MMADHC: variants seen among roughly 807,000 people sequenced by gnomAD.
The protein encoded by MMADHC is metabolism of cobalamin associated D.
In MMADHC, 23 loss-of-function variants were observed where a neutral mutation model predicts 36.3. That is an observed-to-expected ratio of 0.63 (90% CI 0.46 to 0.90). MMADHC has a LOEUF of 0.90. Among genes scored for constraint, MMADHC ranks in the 40% least tolerant of loss-of-function variants. The pLI is 0.00. For synonymous variants in MMADHC, 97 were observed against 116.1 expected, an observed-to-expected ratio of 0.84 and a Z score of 1.06; for missense variants, 330 against 348.0, an observed-to-expected ratio of 0.95 and a Z score of 0.41.
rs932886802 is a variant in MMADHC at position 149,575,633 on chromosome 2, T to A, written c.609+78A>T. 6.7e-6 allele frequency: 8 copies of A among 1,187,562 alleles called. No individual in the cohort carries two copies. In the African/African-American group the frequency reaches 1.1e-4, roughly 16 times the overall value. The allele number at this position is 1,187,562 out of a possible 1,614,324, so 73.6% of individuals were successfully genotyped here. A position where few individuals can be genotyped will look rare whatever the true frequency, so the allele number is the denominator to read the frequency against. On this transcript the variant is annotated intron_variant, in intron 6 of 7. Transcript: ENST00000303319. ...AATGAATAAAGGGTGGAAATGACAG[T>A]CATCATTTTAAGACATTGGTTCACT...
At position 149,570,084 on chromosome 2, in the gene MMADHC, A is replaced by C. The variant is rs1682616013; in HGVS notation, c.781T>G (p.Cys261Gly). The C allele has an allele frequency of 6.2e-7, 1 of 1,613,718 alleles. No homozygotes were observed. The highest frequency in any genetic ancestry group is 1.3e-5 in the African/African-American group (1 of 74,926). The change falls in exon 8 of 8, where the codon TGC (cysteine) becomes GGC (glycine). Residue 261 changes from cysteine (C) to glycine (G), a missense_variant. Transcript: ENST00000303319. ...AGACTATGACGAATCACTTTACAGC[A>C]TCCAAGGTCATCAACAGAGAATCCT... ...HLGFSVDDLG[C>G]CKVIRHSLWG...
At chr2:149,575,407 G>A (rs144773111) in intron 6 of MMADHC, among the ~76,000 whole-genome samples, 1 of 151,792 alleles carries the variant, frequency 6.6e-6, no homozygotes, top group South Asian at 2.1e-4. Flanking sequence ...TGGAGAAGGA[G>A]AGGGAGGGGG....
At chr2:149,578,546 A>G (rs934849748) in intron 4 of MMADHC, among the ~76,000 whole-genome samples, 3 of 152,160 alleles carry the variant, frequency 2.0e-5, no homozygotes, top group African/African-American at 4.8e-5. Context: ...AAAAACATAG[A>G]CTGTGGAGGC....
intron 3 of MMADHC, 134 bp downstream of exon 3, chr2:149,581,993 C>G: frequency 1.1e-6 from 1 of 912,576 alleles, no homozygotes; most frequent in South Asian, 1.5e-5. Context: ...TTAGGCAGAG[C>G]TGTGATTCAT....
In MMADHC at chr2:149,583,567, A is replaced by G. The variant is rs1265867273; in HGVS notation, c.10-1296T>C. Among the ~76,000 whole-genome samples, 3 of 152,192 alleles carry G rather than the reference A, an allele frequency of 2.0e-5. No homozygotes were observed. In the East Asian group the frequency reaches 5.8e-4, roughly 29 times the overall value. On this transcript the variant is annotated intron_variant, in intron 2 of 7. Transcript: ENST00000303319. ...TGACAAAAACAAAGGCTGTTTTAAG[A>G]AATGTACCACTAAGGGCAGTATAAA...
chr2:149,575,617 A>C lies in MMADHC; in HGVS notation c.609+94T>G, dbSNP rs1682702810. The C allele has an allele frequency of 2.8e-6, 3 of 1,062,780 alleles. No homozygotes were observed. The East Asian group carries it at 7.4e-5, about 26-fold the overall frequency. The allele number at this position is 1,062,780 out of a possible 1,614,324, so 65.8% of individuals were successfully genotyped here. On this transcript the variant is annotated intron_variant, in intron 6 of 7. Transcript: ENST00000303319. ...TAATACTTTGGCAGAAAATGAATAA[A>C]GGGTGGAAATGACAGTCATCATTTT...
Position 149,571,121 on chromosome 2 carries a change from A to G in MMADHC, c.660T>C (p.Tyr220=), listed in dbSNP as rs1427942673. ...EICYALRAEG[Y]WADFIDPSSG... is the part of the protein sequence containing the mutation. ...ATGATGGGTCAATAAAGTCAGCCCA[A>G]TAACCCTCAGCTCGAAGAGCATAGC... Residue 220 remains tyrosine (Y), a synonymous_variant, in exon 7 of 8, where the codon TAT becomes TAC. Transcript: ENST00000303319. 6.2e-6 allele frequency: 10 copies of G among 1,612,790 alleles called. No homozygotes were observed. Among genetic ancestry groups the G allele is most frequent in the Non-Finnish European group, 8.5e-6 (10 of 1,179,114 alleles).
Position 149,579,439 on chromosome 2 carries a change from C to G in MMADHC, c.364G>C (p.Glu122Gln). The G allele has an allele frequency of 1.9e-6, 3 of 1,610,754 alleles. No individual in the cohort carries two copies. The highest frequency in any genetic ancestry group is 2.5e-6 in the Non-Finnish European group (3 of 1,178,740). ...TGTTACCAACAATTTACCTGAAATTCATTCACATATTGTGCCATCACAAAC... is the reference window on the plus strand; with the variant it reads ...TGTTACCAACAATTTACCTGAAATTGATTCACATATTGTGCCATCACAAAC... ...HEFVMAQYVN[E>Q]FQGNDAPVEQ... The change falls in exon 4 of 8, where the codon GAA becomes CAA. Residue 122 changes from glutamate to glutamine, a missense_variant. Glu to Gln is a conservative substitution (Grantham distance 29). Transcript: ENST00000303319.
chr2:149,572,719 A>T (rs1288204713), intron 6 of MMADHC, among the ~76,000 whole-genome samples: 1 of 152,120 alleles, frequency 6.6e-6, no homozygotes, highest in East Asian at 1.9e-4. Flanking sequence ...AGAACTATTC[A>T]CCAGGGTTTC....
chr2:149,581,806 T>C (rs1215079121), intron 3 of MMADHC, among the ~76,000 whole-genome samples: 1 of 152,218 alleles, frequency 6.6e-6, no homozygotes, highest in African/African-American at 2.4e-5. Flanking sequence ...ACAAGGTACA[T>C]TTATGAAATC....
chr2:149,579,713 A>C, intron 3 of MMADHC, 65 bp from the exon 4 acceptor site: 1 of 1,282,336 alleles, frequency 7.8e-7, no homozygotes, highest in Non-Finnish European at 1.1e-6. Flanking sequence ...AGACTGAAAG[A>C]ATGCTCTTCT....
chr2:149,571,937 A>G (rs1322558752), intron 6 of MMADHC, among the ~76,000 whole-genome samples: 1 of 152,192 alleles, frequency 6.6e-6, no homozygotes, highest in Non-Finnish European at 1.5e-5. Context: ...ATAGTCATGA[A>G]ATAATTCTGA....
chr2:149,580,931 T>C lies in MMADHC; in HGVS notation c.154+1196A>G, dbSNP rs1682784935. ...TTTGTATTTCTAACAAGCTCCTAAA[T>C]GATACTGATGCAGATCATGTTGAAT... On this transcript the variant is annotated intron_variant, in intron 3 of 7. Transcript: ENST00000303319. Among the ~76,000 whole-genome samples, 3 of 152,204 alleles carry C rather than the reference T, an allele frequency of 2.0e-5. No individual in the cohort carries two copies. The South Asian group carries it at 6.2e-4, about 32-fold the overall frequency.
At chr2:149,579,088 A>G (rs1012088922) in intron 4 of MMADHC, among the ~76,000 whole-genome samples, 1 of 151,808 alleles carries the variant, frequency 6.6e-6, no homozygotes, top group Non-Finnish European at 1.5e-5. Flanking sequence ...AATTAGATCC[A>G]TATACAAATT....
chr2:149,587,466 G>T (rs1426831796), intron 1 of MMADHC, 198 bp downstream of exon 1: 3 of 357,190 alleles, frequency 8.4e-6, no homozygotes, highest in Non-Finnish European at 1.6e-5. Context: ...AACAGAAGTT[G>T]GGGCTGCGTA....
intron 6 of MMADHC, among the ~76,000 whole-genome samples, chr2:149,572,635 C>T (rs924205933): frequency 6.6e-6 from 1 of 152,016 alleles, no homozygotes; most frequent in Non-Finnish European, 1.5e-5. Flanking sequence ...AGCAAGAGTT[C>T]TAGACAGCTG....
At chr2:149,586,486 C>T (rs1315151054) in intron 2 of MMADHC, among the ~76,000 whole-genome samples, 1 of 152,206 alleles carries the variant, frequency 6.6e-6, no homozygotes, top group African/African-American at 2.4e-5. Context: ...TGATCCCAAA[C>T]TCCTCTCCAC....
At chr2:149,573,005 A>T (rs533264357) in intron 6 of MMADHC, among the ~76,000 whole-genome samples, 1 of 152,278 alleles carries the variant, frequency 6.6e-6, no homozygotes, top group African/African-American at 2.4e-5. Flanking sequence ...AGCCATGGCA[A>T]TTCATTTACA....
At position 149,579,655 on chromosome 2, in the gene MMADHC, A is replaced by G. The variant is rs1305728146; in HGVS notation, c.155-7T>C. 6.2e-7 allele frequency: 1 copy of G among 1,612,146 alleles called. No individual in the cohort carries two copies. The highest frequency in any genetic ancestry group is 8.5e-7 in the Non-Finnish European group (1 of 1,178,690). Reference sequence around the variant, plus strand: ...GGCCACACTGTTCGAGAGCCTGAAGAGAAACAACAAAAGGAACAGTTTCTC... The same window carrying G: ...GGCCACACTGTTCGAGAGCCTGAAGGGAAACAACAAAAGGAACAGTTTCTC... On this transcript the variant is annotated splice_region_variant and splice_polypyrimidine_tract_variant and intron_variant, in intron 3 of 7. Transcript: ENST00000303319.
Sources: allele counts gnomAD v4.1 joint callset (sites outside exome capture counted in the v4.1 genomes callset), GRCh38; gene constraint gnomAD v4.1.1; transcripts MANE v1.5; gene names NCBI Gene and HGNC (gene_info 2026-07-23, HGNC 2026-07-21).